ELP4: variants seen among roughly 807,000 people sequenced by gnomAD.
ELP4 encodes elongator complex protein 4.
ELP4 carries 51 observed loss-of-function variants against 48.9 expected under a neutral mutation model. The observed-to-expected ratio is 1.04, with a 90% CI of 0.83 to 1.32. The LOEUF (loss-of-function observed/expected upper bound fraction) is 1.32, where lower values mean the gene tolerates loss of function less well. ELP4 is among the 40% of genes most tolerant of loss of function. ELP4 has a pLI of 0.00. For missense variants in ELP4, 519 were observed against 514.6 expected (o/e 1.01, Z -0.08); for synonymous variants, 210 against 189.2 (o/e 1.11, Z -0.90).
At chr11:31,669,056 C>T (rs1007710819) in intron 9 of ELP4, among the ~76,000 whole-genome samples, 2 of 151,600 alleles carry the variant, frequency 1.3e-5, no homozygotes, top group African/African-American at 2.4e-5. Flanking sequence ...GCCCATTCTT[C>T]TGTCACTTCC....
intron 9 of ELP4, among the ~76,000 whole-genome samples, chr11:31,676,290 G>A (rs1335443849): frequency 6.6e-6 from 1 of 152,096 alleles, no homozygotes; most frequent in Non-Finnish European, 1.5e-5. Flanking sequence ...CCTTCTTAAT[G>A]AGGGTTTCCT....
At chr11:31,577,909 A>G (rs531927324) in intron 3 of ELP4, among the ~76,000 whole-genome samples, 143 of 152,166 alleles carry the variant, frequency 9.4e-4, no homozygotes, top group African/African-American at 2.9e-3. Flanking sequence ...CTCTCTCACC[A>G]CTCCCATTCA....
chr11:31,553,635 G>C (rs898194942), intron 3 of ELP4, among the ~76,000 whole-genome samples: 3 of 151,740 alleles, frequency 2.0e-5, no homozygotes, highest in Non-Finnish European at 4.4e-5. Context: ...GAGGTCTCCA[G>C]CCTGCCAACT....
At chr11:31,732,083 A>T (rs1947201722) in intron 9 of ELP4, among the ~76,000 whole-genome samples, 2 of 152,204 alleles carry the variant, frequency 1.3e-5, no homozygotes, top group Non-Finnish European at 2.9e-5. Flanking sequence ...AAATGAAAAG[A>T]CACTAAACAG....
intron 5 of ELP4, among the ~76,000 whole-genome samples, chr11:31,604,343 A>C (rs1167327920): frequency 6.6e-6 from 1 of 151,852 alleles, no homozygotes; most frequent in Non-Finnish European, 1.5e-5. Context: ...AGCGTAAACA[A>C]GTATATACTT....
At chr11:31,620,485 A>G (rs574766496) in intron 5 of ELP4, among the ~76,000 whole-genome samples, 3 of 152,064 alleles carry the variant, frequency 2.0e-5, no homozygotes, top group African/African-American at 7.2e-5. Context: ...TTATAGAGGT[A>G]TGGCAGTTAT....
intron 1 of ELP4, among the ~76,000 whole-genome samples, chr11:31,517,196 T>A (rs1956130392): frequency 6.6e-6 from 1 of 152,082 alleles, no homozygotes; most frequent in South Asian, 2.1e-4. Context: ...AACTTTTTTT[T>A]TTTTTGAGAC....
At chr11:31,603,951 T>A in intron 5 of ELP4, 44 bp downstream of exon 5, 1 of 1,548,122 alleles carries the variant, frequency 6.5e-7, no homozygotes, top group Non-Finnish European at 8.8e-7. Flanking sequence ...ATTTCAAATA[T>A]TAGTAGAATG....
intron 9 of ELP4, among the ~76,000 whole-genome samples, chr11:31,679,802 G>T (rs1179095296): frequency 6.6e-6 from 1 of 152,064 alleles, no homozygotes; most frequent in East Asian, 1.9e-4. Context: ...GAGTCAGTTT[G>T]CCAATATCCA....
intron 8 of ELP4, chr11:31,649,412 A>G (rs1047770045): frequency 6.6e-6 from 1 of 151,684 alleles, no homozygotes; most frequent in African/African-American, 2.4e-5. Flanking sequence ...CAGAAACTAC[A>G]TTAGGCTGCA....
chr11:31,760,422 T>G (rs1202085337), intron 9 of ELP4, among the ~76,000 whole-genome samples: 3 of 152,230 alleles, frequency 2.0e-5, no homozygotes, highest in Admixed American at 6.5e-5. Context: ...GCTTAACAGG[T>G]TGAAATATAT....
intron 9 of ELP4, among the ~76,000 whole-genome samples, chr11:31,681,114 A>G (rs1946042780): frequency 6.6e-6 from 1 of 152,206 alleles, no homozygotes; most frequent in Admixed American, 6.5e-5. Context: ...GTAAAAATTT[A>G]CACTCACTTT....
chr11:31,683,171 A>G (rs1485154490), intron 9 of ELP4, among the ~76,000 whole-genome samples: 2 of 152,118 alleles, frequency 1.3e-5, no homozygotes, highest in Non-Finnish European at 2.9e-5. Context: ...ATGTATTTTT[A>G]GAACAGCTTA....
At chr11:31,537,277 A>C (rs1313321200) in intron 2 of ELP4, among the ~76,000 whole-genome samples, 1 of 152,046 alleles carries the variant, frequency 6.6e-6, no homozygotes, top group Non-Finnish European at 1.5e-5. Flanking sequence ...CATTTGTTAC[A>C]AAAAAAATTA....
At chr11:31,577,006 T>C (rs936024910) in intron 3 of ELP4, among the ~76,000 whole-genome samples, 9 of 152,120 alleles carry the variant, frequency 5.9e-5, no homozygotes, top group Non-Finnish European at 1.0e-4. Flanking sequence ...ATCCAGGAGC[T>C]GGTTTTTTGA....
At chr11:31,625,915 T>G (rs1361304462) in intron 5 of ELP4, among the ~76,000 whole-genome samples, 3 of 151,912 alleles carry the variant, frequency 2.0e-5, no homozygotes, top group Non-Finnish European at 1.5e-5. Context: ...GTCTATGTAA[T>G]CTACAGAATT....
chr11:31,672,011 G>C lies in ELP4; in HGVS notation c.1143+21790G>C, dbSNP rs148061557. ...GCAGGAACTGGCTTTTGGCTGCTTA[G>C]TGTTCATTTTTGTTTTTCTGGGGGG... On this transcript the variant is annotated intron_variant, in intron 9 of 9. Coordinates refer to ENST00000640961, the MANE Select transcript of ELP4 (RefSeq NM_019040.5). 4.6e-5 allele frequency among the ~76,000 whole-genome samples: 7 copies of C among 152,134 alleles called. No homozygotes were observed. The East Asian group carries it at 1.4e-3, about 29-fold the overall frequency.
intron 9 of ELP4, among the ~76,000 whole-genome samples, chr11:31,737,499 A>C (rs1947346263): frequency 6.6e-6 from 1 of 151,920 alleles, no homozygotes; most frequent in African/African-American, 2.4e-5. Flanking sequence ...ATAAAAAATA[A>C]AAGCTTCTGC....
chr11:31,728,702 A>T (rs1947126117), intron 9 of ELP4, among the ~76,000 whole-genome samples: 1 of 152,172 alleles, frequency 6.6e-6, no homozygotes, highest in Non-Finnish European at 1.5e-5. Context: ...ACGTTTATTT[A>T]TCTGGATTAA....
Sources: gnomAD v4.1 joint callset for allele counts (sites outside exome capture counted in the v4.1 genomes callset) on GRCh38, gnomAD v4.1.1 for gene constraint, MANE v1.5 for transcripts, NCBI Gene and HGNC (gene_info 2026-07-23, HGNC 2026-07-21) for gene names.